Variants in PARD3 observed in about 807,000 individuals in gnomAD.
PARD3 encodes the protein par-3 family cell polarity regulator, also known as partitioning defective 3 homolog.
Under a neutral mutation model 155.4 loss-of-function variants are expected in PARD3, and 75 were observed. The ratio of observed to expected loss-of-function variants is 0.48; its 90% confidence interval spans 0.40 to 0.58. The LOEUF is 0.58. PARD3 is among the 20% of genes least tolerant of loss of function. The pLI is 0.00. For synonymous variants in PARD3, 576 were observed against 610.5 expected (o/e 0.94, Z 0.83); for missense variants, 1,642 against 1,721.7 (o/e 0.95, Z 0.82).
intron 14 of PARD3, among the ~76,000 whole-genome samples, chr10:34,350,260 C>A (rs955978878): frequency 2.6e-5 from 4 of 152,162 alleles, no homozygotes; most frequent in African/African-American, 4.8e-5. Context: ...GGAAGAGAGG[C>A]AACCCCAGTG....
At chr10:34,533,374 A>G (rs1034724760) in intron 2 of PARD3, among the ~76,000 whole-genome samples, 3 of 152,180 alleles carry the variant, frequency 2.0e-5, no homozygotes, top group Admixed American at 1.3e-4. Flanking sequence ...AAACCTCAAC[A>G]TAACGCAATA....
intron 1 of PARD3, among the ~76,000 whole-genome samples, chr10:34,746,062 G>A (rs932885305): frequency 5.9e-5 from 9 of 151,948 alleles, no homozygotes; most frequent in East Asian, 5.8e-4. Context: ...AGATCGCACC[G>A]CTGCACTCCA....
At chr10:34,165,112 T>C (rs55853557) in intron 22 of PARD3, among the ~76,000 whole-genome samples, 11 of 152,192 alleles carry the variant, frequency 7.2e-5, no homozygotes, top group Non-Finnish European at 1.2e-4. Flanking sequence ...TCCTTTAATT[T>C]CAACTAATTT....
rs552708063 is a variant in PARD3 at position 34,211,916 on chromosome 10, T to G, written c.3419+57741A>C. Among the ~76,000 whole-genome samples, 12 of 152,256 alleles carry G rather than the reference T, an allele frequency of 7.9e-5. No individual in the cohort carries two copies. The South Asian group carries it at 2.5e-3, about 32-fold the overall frequency. ...TCCCAAAGATCTTCCCAAGGCTCTTTCTGGTATTTGGGGACACTACACTTC... is the reference window on the plus strand; with the variant it reads ...TCCCAAAGATCTTCCCAAGGCTCTTGCTGGTATTTGGGGACACTACACTTC... On this transcript the variant is annotated intron_variant, in intron 22 of 24. Transcript: ENST00000374788.
intron 2 of PARD3, among the ~76,000 whole-genome samples, chr10:34,565,314 C>T (rs1370547177): frequency 8.2e-6 from 1 of 122,210 alleles, no homozygotes; most frequent in Non-Finnish European, 1.6e-5. Flanking sequence ...GTCACCCAGG[C>T]TGGAGTGCGG....
intron 4 of PARD3, among the ~76,000 whole-genome samples, chr10:34,459,188 A>G (rs1771564385): frequency 6.6e-6 from 1 of 151,860 alleles, no homozygotes; most frequent in Non-Finnish European, 1.5e-5. Context: ...TTTTTTTGAG[A>G]CGGAGTCTCG....
At chr10:34,546,462 A>G (rs1025739552) in intron 2 of PARD3, among the ~76,000 whole-genome samples, 13 of 151,888 alleles carry the variant, frequency 8.6e-5, no homozygotes, top group Admixed American at 7.9e-4. Flanking sequence ...GGTTGCAGCG[A>G]GCCGAGACTG....
Position 34,360,177 on chromosome 10 carries a change from C to G in PARD3, c.1790G>C (p.Gly597Ala). 2 of 1,613,922 alleles carry G rather than the reference C, an allele frequency of 1.2e-6. No individual in the cohort carries two copies. Among genetic ancestry groups the G allele is most frequent in the Non-Finnish European group, 8.5e-7 (1 of 1,179,774 alleles). ...LTFEVPLNDS[G>A]SAGLGVSVKG... The stretch of plus-strand genomic sequence containing the variant: ...GACACTGACACCAAGGCCTGCAGAT[C>G]CTGAATCATTAAGTGGGACTTCAAA... Residue 597 changes from glycine to alanine, a missense_variant, in exon 13 of 25, where the codon GGA becomes GCA. Transcript: ENST00000374788.
At chr10:34,215,566 T>A (rs1043126296) in intron 22 of PARD3, among the ~76,000 whole-genome samples, 1 of 152,228 alleles carries the variant, frequency 6.6e-6, no homozygotes, top group Non-Finnish European at 1.5e-5. Context: ...ACAACTTGCA[T>A]GAACAGAGCT....
intron 1 of PARD3, among the ~76,000 whole-genome samples, chr10:34,765,760 A>C (rs1445503167): frequency 6.6e-6 from 1 of 152,216 alleles, no homozygotes. Context: ...TCAGAGGAGA[A>C]GGAAGAAGAG....
intron 22 of PARD3, among the ~76,000 whole-genome samples, chr10:34,172,291 A>T (rs1949833129): frequency 6.6e-6 from 1 of 152,176 alleles, no homozygotes; most frequent in Admixed American, 6.5e-5. Context: ...TTAGGTATTC[A>T]CTAAACTTTT....
intron 2 of PARD3, among the ~76,000 whole-genome samples, chr10:34,621,957 T>C (rs1302168335): frequency 6.6e-6 from 1 of 152,216 alleles, no homozygotes; most frequent in African/African-American, 2.4e-5. Flanking sequence ...GAGTTATCAA[T>C]CAATACGTGA....
In PARD3 at chr10:34,373,501, C is replaced by T. The variant is rs539959663; in HGVS notation, c.1669-965G>A. 4.0e-5 allele frequency among the ~76,000 whole-genome samples: 6 copies of T among 151,164 alleles called. No individual in the cohort carries two copies. The East Asian group carries it at 7.8e-4, about 20-fold the overall frequency. On this transcript the variant is annotated intron_variant, in intron 11 of 24. Coordinates refer to ENST00000374788, the MANE Select transcript of PARD3 (RefSeq NM_001184785.2). The stretch of plus-strand genomic sequence containing the variant: ...AGACACTGAGGAAGAATTAAAGCTT[C>T]GGCAAATCACATGGAAAGCTAGTTG...
chr10:34,505,921 T>G (rs1281951099), intron 3 of PARD3, among the ~76,000 whole-genome samples: 2 of 151,876 alleles, frequency 1.3e-5, no homozygotes, highest in Non-Finnish European at 2.9e-5. Flanking sequence ...AGGTCAGGAG[T>G]TCGAGGCCAG....
intron 22 of PARD3, among the ~76,000 whole-genome samples, chr10:34,137,886 G>C (rs1209027617): frequency 6.6e-6 from 1 of 152,190 alleles, no homozygotes; most frequent in Non-Finnish European, 1.5e-5. Context: ...CTATGTGACA[G>C]CACTGCAGCA....
At chr10:34,494,811 T>C (rs1214805173) in intron 3 of PARD3, among the ~76,000 whole-genome samples, 1 of 152,152 alleles carries the variant, frequency 6.6e-6, no homozygotes, top group African/African-American at 2.4e-5. Flanking sequence ...TCCCCATTTG[T>C]TTTCCATGCC....
rs1007538162 is a variant in PARD3 at position 34,110,602 on chromosome 10, C to A, written c.*567G>T. 3 of 152,280 alleles carry A rather than the reference C, an allele frequency of 2.0e-5. No homozygotes were observed. Among genetic ancestry groups the A allele is most frequent in the African/African-American group, 7.2e-5 (3 of 41,426 alleles). The allele number at this position is 152,280 out of a possible 1,614,324, so 9.4% of individuals were successfully genotyped here. A position where few individuals can be genotyped will look rare whatever the true frequency, so the allele number is the denominator to read the frequency against. On this transcript the variant is annotated 3_prime_UTR_variant, in exon 25 of 25. Transcript: ENST00000374788. ...ACAATGTTGGACTATGGCTTAGCTT[C>A]TGTAATAGGATGACCGACTCTCCCG... is the stretch of plus-strand genomic sequence containing the variant.
chr10:34,425,584 T>TG (rs1227681184), intron 5 of PARD3, among the ~76,000 whole-genome samples: 3 of 152,006 alleles, frequency 2.0e-5, no homozygotes, highest in Non-Finnish European at 4.4e-5. Context: ...TTTGTAGAGA[T>TG]GGGGGTCTCC....
rs150157495 is a variant in PARD3 at position 34,239,728 on chromosome 10, A to G, written c.3419+29929T>C. Among the ~76,000 whole-genome samples, 204 of 151,238 alleles carry G rather than the reference A, an allele frequency of 1.3e-3. 1 individual carries two copies. Among genetic ancestry groups the G allele is most frequent in the Middle Eastern group, 3.4e-3 (1 of 294 alleles). On this transcript the variant is annotated intron_variant, in intron 22 of 24. Coordinates refer to ENST00000374788, the MANE Select transcript of PARD3 (RefSeq NM_001184785.2). Reference sequence around the variant, plus strand: ...TGCGACAAGAGAATCACTTGAACCTAGGAGGTGGAGTTTGCAGTGAGCCAA... The same window carrying G: ...TGCGACAAGAGAATCACTTGAACCTGGGAGGTGGAGTTTGCAGTGAGCCAA...
Sources: gnomAD v4.1 joint callset for allele counts (sites outside exome capture counted in the v4.1 genomes callset) on GRCh38, gnomAD v4.1.1 for gene constraint, MANE v1.5 for transcripts, NCBI Gene and HGNC (gene_info 2026-07-23, HGNC 2026-07-21) for gene names.